The following FAT3 variants were observed in gnomAD, a reference collection of about 807,000 sequenced individuals.
FAT3 encodes FAT atypical cadherin 3.
FAT3 carries 95 observed loss-of-function variants against 310.2 expected under a neutral mutation model. The ratio of observed to expected loss-of-function variants is 0.31; its 90% CI spans 0.26 to 0.36. The LOEUF (loss-of-function observed/expected upper bound fraction) is 0.36. Among genes scored for constraint, FAT3 ranks in the 10% least tolerant of loss-of-function variants. The pLI is 1.00. For missense variants in FAT3, 5,408 were observed against 5,715.6 expected (o/e 0.95, Z 1.74); for synonymous variants, 2,314 against 2,192.9 (o/e 1.06, Z -1.54).
At chr11:92,478,991 T>C (rs1051391266) in intron 2 of FAT3, among the ~76,000 whole-genome samples, 1 of 148,978 alleles carries the variant, frequency 6.7e-6, no homozygotes, top group African/African-American at 2.5e-5. Flanking sequence ...TCTTTTCTTT[T>C]CTTTGTTGTT....
chr11:92,562,251 T>C lies in FAT3; in HGVS notation c.3607+37303T>C, dbSNP rs373770930. 6.6e-5 allele frequency among the ~76,000 whole-genome samples: 10 copies of C among 152,330 alleles called. No homozygotes were observed. The South Asian group carries it at 2.1e-3, about 32-fold the overall frequency. The stretch of plus-strand genomic sequence containing the variant: ...TATATTCATATACAATACCTCCTAT[T>C]TGTATCATATACAATACTTCCTACC... On this transcript the variant is annotated intron_variant, in intron 3 of 27. Coordinates refer to ENST00000525166, the MANE Select transcript of FAT3 (RefSeq NM_001367949.2).
chr11:92,362,254 G>A (rs1475396571), intron 2 of FAT3, among the ~76,000 whole-genome samples: 2 of 152,142 alleles, frequency 1.3e-5, no homozygotes, highest in Non-Finnish European at 2.9e-5. Flanking sequence ...TAGACAAACC[G>A]AAAAGGTATT....
At chr11:92,333,571 A>AGAATTT (rs1418957012) in intron 1 of FAT3, among the ~76,000 whole-genome samples, 1 of 152,174 alleles carries the variant, frequency 6.6e-6, no homozygotes, top group Non-Finnish European at 1.5e-5. Flanking sequence ...TATTTGGTGG[A>AGAATTT]GAATTTGAAG....
At position 92,576,858 on chromosome 11, in the gene FAT3, T is replaced by A. The variant is rs572693907; in HGVS notation, c.3607+51910T>A. On this transcript the variant is annotated intron_variant, in intron 3 of 27. Coordinates refer to ENST00000525166, the MANE Select transcript of FAT3 (RefSeq NM_001367949.2). ...TACTTGTACACTGAAGCTATTTTTT[T>A]AAATATCAATGTATAATCACATAAG... 2.6e-5 allele frequency among the ~76,000 whole-genome samples: 4 copies of A among 152,136 alleles called. No individual in the cohort carries two copies. The East Asian group carries it at 5.8e-4, about 22-fold the overall frequency.
intron 2 of FAT3, chr11:92,498,800 TC>T (rs1402216592): frequency 6.6e-6 from 1 of 152,450 alleles, no homozygotes; most frequent in Admixed American, 6.6e-5. Flanking sequence ...CCAGTGCCTT[TC>T]CAATATTTCT....
chr11:92,671,100 G>A (rs190083356), intron 3 of FAT3, among the ~76,000 whole-genome samples: 3 of 151,724 alleles, frequency 2.0e-5, no homozygotes, highest in African/African-American at 7.3e-5. Flanking sequence ...GCTGGAGTGC[G>A]GTGGTGCAAT....
rs373794866 is a variant in FAT3, at chr11:92,354,037, C to G, written c.1925C>G (p.Ser642Cys). Residue 642 changes from serine to cysteine, a missense_variant, in exon 2 of 28, where the codon TCT (serine) becomes TGT (cysteine). Ser to Cys is a moderately radical substitution (Grantham distance 112). Around this residue, in one of 5 missense-constraint regions of FAT3, gnomAD observed 4,588 missense variants for 4,809.8 expected, o/e 0.95. Coordinates refer to ENST00000525166, the MANE Select transcript of FAT3 (RefSeq NM_001367949.2). ...CAGCTTAAAAAATCACTGACAAATT[C>G]TGGCATTAAAAATGGCAATTTTGCC... ...VLQLKKSLTN[S>C]GIKNGNFALR... is the part of the protein sequence containing the mutation. The G allele has an allele frequency of 2.9e-5, 47 of 1,613,410 alleles. No individual in the cohort carries two copies. Among genetic ancestry groups the G allele is most frequent in the Non-Finnish European group, 3.9e-5 (46 of 1,179,680 alleles).
At chr11:92,769,907 GATGA>G (rs1946417113) in intron 6 of FAT3, among the ~76,000 whole-genome samples, 1 of 152,166 alleles carries the variant, frequency 6.6e-6, no homozygotes, top group Non-Finnish European at 1.5e-5. Flanking sequence ...CTTATTTAGA[GATGA>G]ATGAAGTAGG....
At chr11:92,323,932 G>A (rs531018828) in intron 1 of FAT3, among the ~76,000 whole-genome samples, 26 of 152,130 alleles carry the variant, frequency 1.7e-4, no homozygotes, top group Non-Finnish European at 2.6e-4. Context: ...TTGCTTCAGC[G>A]CTTGCTGCCT....
intron 21 of FAT3, among the ~76,000 whole-genome samples, chr11:92,860,268 G>A (rs1949088337): frequency 6.6e-6 from 1 of 152,156 alleles, no homozygotes; most frequent in African/African-American, 2.4e-5. Flanking sequence ...GGAGGACAGT[G>A]GTTCAGAGAG....
chr11:92,816,709 CT>C (rs1277077166), intron 13 of FAT3, among the ~76,000 whole-genome samples: 2 of 152,168 alleles, frequency 1.3e-5, no homozygotes, highest in Non-Finnish European at 2.9e-5. Context: ...GGTGTGGTGG[CT>C]CATGCCTGTA....
intron 4 of FAT3, among the ~76,000 whole-genome samples, chr11:92,718,775 CA>C (rs977766933): frequency 2.6e-5 from 4 of 152,062 alleles, no homozygotes; most frequent in African/African-American, 9.7e-5. Flanking sequence ...TGAATTTCTA[CA>C]AGTGAACATT....
At position 92,801,087 on chromosome 11, in the gene FAT3, A is replaced by G. The variant is rs1947333381; in HGVS notation, c.8074A>G (p.Ile2692Val). ...DGGIPVKHSL[I>V]PVYIHVLPPE... ...GGGCATCCCAGTAAAGCACTCCCTC[A>G]TTCCTGTCTATATCCACGTCTTGCC... Residue 2692 changes from isoleucine (I) to valine (V), a missense_variant, in exon 10 of 28, where the codon ATT becomes GTT. By Grantham distance (29) the Ile-to-Val change is conservative. This residue lies in a region of FAT3 where 4,588 missense variants were observed against 4,809.8 expected (regional missense o/e 0.95). Coordinates refer to ENST00000525166, the MANE Select transcript of FAT3 (RefSeq NM_001367949.2). The G allele has an allele frequency of 6.2e-7, 1 of 1,613,924 alleles. No individual in the cohort carries two copies. Among genetic ancestry groups the G allele is most frequent in the Non-Finnish European group, 8.5e-7 (1 of 1,179,866 alleles).
rs1390362341 is a variant in FAT3 at position 92,801,112 on chromosome 11, C to T, written c.8099C>T (p.Pro2700Leu). ...SLIPVYIHVLPPETFLPSFTQ... is the reference protein window; with the variant it reads ...SLIPVYIHVLLPETFLPSFTQ... ...ATTCCTGTCTATATCCACGTCTTGC[C>T]CCCTGAAACGTTCTTGCCATCATTC... Residue 2700 changes from proline to leucine, a missense_variant, in exon 10 of 28, where the codon CCC (proline) becomes CTC (leucine). Physicochemically the swap from Pro to Leu is moderately conservative, Grantham distance 98. This residue lies in a region of FAT3 where 4,588 missense variants were observed against 4,809.8 expected (regional missense o/e 0.95). Transcript: ENST00000525166. 1 of 1,613,930 alleles carries T rather than the reference C, an allele frequency of 6.2e-7. No homozygotes were observed. Among genetic ancestry groups the T allele is most frequent in the Non-Finnish European group, 8.5e-7 (1 of 1,179,872 alleles).
At chr11:92,852,219 G>C (rs1948849682) in intron 19 of FAT3, among the ~76,000 whole-genome samples, 1 of 152,138 alleles carries the variant, frequency 6.6e-6, no homozygotes, top group Non-Finnish European at 1.5e-5. Context: ...TTTTACAATA[G>C]TTCATAGAGA....
At chr11:92,362,694 C>T (rs1236620704) in intron 2 of FAT3, among the ~76,000 whole-genome samples, 1 of 152,128 alleles carries the variant, frequency 6.6e-6, no homozygotes, top group East Asian at 1.9e-4. Flanking sequence ...ATTAAATGTT[C>T]CTCATTACCC....
rs767350823 is a variant in FAT3 at position 92,883,337 on chromosome 11, CCTGCCGCTCCGA to C, written c.12886_12897del (p.Arg4296_Cys4299del). On this transcript the variant is annotated inframe_deletion, in exon 24 of 28. Transcript: ENST00000525166. This position sits in a 1 kb window ranked among gnomAD's most constrained non-coding sequence, Gnocchi z 4.2. ...GCCCCCAACCTCCCCGCCGTGTCACCCTGCCGCTCCGACTGCGACTCCATCCGGAAGAATGGC... is the reference window on the plus strand; with the variant it reads ...GCCCCCAACCTCCCCGCCGTGTCACCCTGCGACTCCATCCGGAAGAATGGC... The C allele has an allele frequency of 4.3e-6, 7 of 1,610,516 alleles. No individual in the cohort carries two copies. The highest frequency in any genetic ancestry group is 5.1e-6 in the Non-Finnish European group (6 of 1,178,556).
At chr11:92,442,111 A>ATATATATAT (rs1453396603) in intron 2 of FAT3, among the ~76,000 whole-genome samples, 1 of 45,216 alleles carries the variant, frequency 2.2e-5, no homozygotes, top group African/African-American at 1.8e-4. Context: ...ATATATATAT[A>ATATATATAT]TTTTTTTTTT....
chr11:92,834,103 C>A (rs377670695), intron 14 of FAT3, among the ~76,000 whole-genome samples: 1 of 152,178 alleles, frequency 6.6e-6, no homozygotes, highest in African/African-American at 2.4e-5. Context: ...GCAGGCAATA[C>A]AATGACTGCA....
Sources: allele counts gnomAD v4.1 joint callset (sites outside exome capture counted in the v4.1 genomes callset), GRCh38; gene constraint gnomAD v4.1.1; regional missense constraint gnomAD v4.1.1; non-coding constraint Gnocchi (gnomAD v3.1); transcripts MANE v1.5; gene names NCBI Gene and HGNC (gene_info 2026-07-23, HGNC 2026-07-21).